CPXM2: variants seen among roughly 807,000 people sequenced by gnomAD.
The protein encoded by CPXM2 is inactive carboxypeptidase-like protein X2.
In CPXM2, 66 loss-of-function variants were observed where a neutral mutation model predicts 86.1. The ratio of observed to expected loss-of-function variants is 0.77; its 90% CI spans 0.63 to 0.94. The LOEUF (loss-of-function observed/expected upper bound fraction) is 0.94. Among genes scored for constraint, CPXM2 ranks in the 40% least tolerant of loss-of-function variants. The probability of loss-of-function intolerance (pLI) is 0.00; values close to 1 mark genes in which losing one functional copy is unlikely to be tolerated. For missense variants in CPXM2, 948 were observed against 1,026.3 expected (o/e 0.92, Z 1.04); for synonymous variants, 388 against 400.2 (o/e 0.97, Z 0.36).
intron 4 of CPXM2, among the ~76,000 whole-genome samples, chr10:123,813,601 A>C (rs2134097249): frequency 6.6e-6 from 1 of 152,308 alleles, no homozygotes; most frequent in South Asian, 2.1e-4. Flanking sequence ...CTTGCATATA[A>C]TCTCCCTTTC....
chr10:123,891,500 G>T lies in CPXM2; in HGVS notation c.160C>A (p.Leu54Ile). 1 of 1,547,900 alleles carries T rather than the reference G, an allele frequency of 6.5e-7. No individual in the cohort carries two copies. ...EPYYARPEPE[L>I]ETFSPPLPAG... ...GGCAGCGGCGGAGAGAAGGTCTCGA[G>T]CTCGGGCTCCGGGCGCGCGTAGTAG... Residue 54 changes from leucine to isoleucine, a missense_variant, in exon 1 of 14, where the codon CTC becomes ATC. By Grantham distance (5) the Leu-to-Ile change is conservative. Transcript: ENST00000241305. This position sits in a 1 kb window ranked among gnomAD's most constrained non-coding sequence, Gnocchi z 5.6.
intron 2 of CPXM2, among the ~76,000 whole-genome samples, chr10:123,911,874 CA>C (rs1277318146): frequency 6.6e-6 from 1 of 152,058 alleles, no homozygotes; most frequent in Non-Finnish European, 1.5e-5. Flanking sequence ...GCAGCAACCT[CA>C]ATTCTTGCCT....
At chr10:123,800,116 AG>A (rs1847425133) in intron 4 of CPXM2, among the ~76,000 whole-genome samples, 1 of 147,904 alleles carries the variant, frequency 6.8e-6, no homozygotes, top group African/African-American at 2.5e-5. Flanking sequence ...CTCAGGATTC[AG>A]ATCTATCCAA....
intron 1 of CPXM2, among the ~76,000 whole-genome samples, chr10:123,884,492 A>G (rs1945148576): frequency 6.6e-6 from 1 of 152,214 alleles, no homozygotes; most frequent in Non-Finnish European, 1.5e-5. Flanking sequence ...GAGGACTGGA[A>G]GCTCCCAGAG....
chr10:123,798,220 G>A, intron 5 of CPXM2, 94 bp from the exon 6 acceptor site: 1 of 972,426 alleles, frequency 1.0e-6, no homozygotes, highest in Non-Finnish European at 1.4e-6. Flanking sequence ...AGACTTTATT[G>A]AGGAAAACCT....
At chr10:123,822,993 C>T (rs988627194) in intron 4 of CPXM2, among the ~76,000 whole-genome samples, 3 of 152,102 alleles carry the variant, frequency 2.0e-5, no homozygotes, top group South Asian at 2.1e-4. Flanking sequence ...GAGTTGTACA[C>T]ATTAAATGGC....
At chr10:123,858,712 G>A (rs1325097741) in intron 3 of CPXM2, among the ~76,000 whole-genome samples, 2 of 152,212 alleles carry the variant, frequency 1.3e-5, no homozygotes, top group African/African-American at 4.8e-5. Flanking sequence ...AATGCTTGGA[G>A]CTGATTCCCA....
chr10:123,798,222 G>T, intron 5 of CPXM2, 96 bp from the exon 6 acceptor site: 2 of 1,054,214 alleles, frequency 1.9e-6, no homozygotes, highest in South Asian at 2.3e-5. Context: ...ACTTTATTGA[G>T]GAAAACCTAA....
intron 1 of CPXM2, among the ~76,000 whole-genome samples, chr10:123,890,245 G>T (rs986540549): frequency 2.6e-5 from 4 of 152,146 alleles, no homozygotes; most frequent in African/African-American, 9.7e-5. Flanking sequence ...GGAAATTCTG[G>T]ATGTGTTCAG....
At chr10:123,809,363 G>A (rs1270817952) in intron 4 of CPXM2, among the ~76,000 whole-genome samples, 1 of 152,150 alleles carries the variant, frequency 6.6e-6, no homozygotes, top group African/African-American at 2.4e-5. Flanking sequence ...CCAATCTGCT[G>A]TCAGTGAAAT....
chr10:123,936,705 C>T (rs1184285903), intron 2 of CPXM2, among the ~76,000 whole-genome samples: 1 of 152,172 alleles, frequency 6.6e-6, no homozygotes, highest in Non-Finnish European at 1.5e-5. Flanking sequence ...AAGTCTCACA[C>T]CCTGCGGCAC....
intron 10 of CPXM2, among the ~76,000 whole-genome samples, chr10:123,762,753 T>G (rs763599808): frequency 5.9e-5 from 9 of 152,336 alleles, no homozygotes; most frequent in Admixed American, 5.2e-4. Flanking sequence ...AAGCTAAAAT[T>G]TGAAAGTTTG....
At chr10:123,848,039 G>C (rs1395493149) in intron 3 of CPXM2, among the ~76,000 whole-genome samples, 2 of 152,188 alleles carry the variant, frequency 1.3e-5, no homozygotes, top group Non-Finnish European at 2.9e-5. Flanking sequence ...GGGCTATTTG[G>C]AGAGAAACAG....
In CPXM2 at chr10:123,849,950, G is replaced by A. The variant is rs191271310; in HGVS notation, c.514-7462C>T. Among the ~76,000 whole-genome samples, 514 of 152,088 alleles carry A rather than the reference G, an allele frequency of 3.4e-3. 3 individuals are homozygous for A. Among genetic ancestry groups the A allele is most frequent in the African/African-American group, 0.012 (488 of 41,482 alleles). ...GCCCCTTCCCAGACATTAACTTCCC[G>A]CAGACATAACCACCACTCTGACTTC... On this transcript the variant is annotated intron_variant, in intron 3 of 13. Coordinates refer to ENST00000241305, the MANE Select transcript of CPXM2 (RefSeq NM_198148.3).
chr10:123,747,102 G>T, intron 13 of CPXM2, 85 bp from the exon 14 acceptor site: 1 of 1,492,214 alleles, frequency 6.7e-7, no homozygotes, highest in Non-Finnish European at 9.0e-7. Context: ...CAGCTCCCTG[G>T]GCCAGAGAGA....
intron 3 of CPXM2, among the ~76,000 whole-genome samples, chr10:123,859,197 G>A (rs934820461): frequency 1.3e-4 from 20 of 152,244 alleles, no homozygotes; most frequent in Admixed American, 3.3e-4. Context: ...GGGGTTTCTC[G>A]ATCACAAAAT....
Position 123,747,584 on chromosome 10 carries a change from C to T in CPXM2, c.2018-567G>A, listed in dbSNP as rs74161092. Among the ~76,000 whole-genome samples the T allele has an allele frequency of 9.6e-3, 1,455 of 152,256 alleles. 27 individuals are homozygous for T. The highest frequency in any genetic ancestry group is 0.033 in the African/African-American group (1,389 of 41,556). The stretch of plus-strand genomic sequence containing the variant: ...AGTTGCAGGGCCATCTATACATGGA[C>T]GCTGTGGGGCAGAGGAGCCTTGAGA... On this transcript the variant is annotated intron_variant, in intron 13 of 13. Transcript: ENST00000241305.
At chr10:123,765,295 C>A (rs1459992888) in intron 10 of CPXM2, among the ~76,000 whole-genome samples, 1 of 152,230 alleles carries the variant, frequency 6.6e-6, no homozygotes, top group Non-Finnish European at 1.5e-5. Context: ...TCTATCTAAT[C>A]TATCCACAAT....
chr10:123,817,401 C>T (rs1026244562), intron 4 of CPXM2, among the ~76,000 whole-genome samples: 19 of 152,164 alleles, frequency 1.2e-4, no homozygotes. Context: ...CAAGGCCCTG[C>T]CATCTTCTGC....
Sources: gnomAD v4.1 joint callset for allele counts (sites outside exome capture counted in the v4.1 genomes callset) on GRCh38, gnomAD v4.1.1 for gene constraint, Gnocchi (gnomAD v3.1) non-coding constraint, MANE v1.5 for transcripts, NCBI Gene and HGNC (gene_info 2026-07-23, HGNC 2026-07-21) for gene names.